The following PNN variants were observed in gnomAD, a reference collection of about 807,000 sequenced individuals.
PNN encodes the protein pinin, desmosome associated protein.
PNN carries 38 observed loss-of-function variants against 76.6 expected under a neutral mutation model. That is an observed-to-expected ratio of 0.50 (90% confidence interval 0.38 to 0.65). The LOEUF (loss-of-function observed/expected upper bound fraction) is 0.65. Ranked by LOEUF, PNN falls within the 30% of genes least tolerant of loss-of-function variation. The pLI is 0.00. For missense variants in PNN, 873 were observed against 874.1 expected (o/e 1.00, Z 0.02); for synonymous variants, 366 against 283.7 (o/e 1.29, Z -2.91).
intron 1 of PNN, 167 bp from the exon 2 acceptor site, chr14:39,175,911 A>C: frequency 1.7e-6 from 1 of 585,184 alleles, no homozygotes; most frequent in Non-Finnish European, 3.0e-6. Flanking sequence ...GAGGAAGTTA[A>C]ATGAAATAGT....
intron 4 of PNN, 51 bp downstream of exon 4, chr14:39,177,535 A>G (rs534246682): frequency 6.3e-7 from 1 of 1,595,598 alleles, no homozygotes; most frequent in South Asian, 1.1e-5. Flanking sequence ...ACTTTACTAC[A>G]TTTAAAAGCA....
At chr14:39,178,973 T>C (rs906644304) in intron 6 of PNN, 118 bp from the exon 7 acceptor site, 3 of 889,554 alleles carry the variant, frequency 3.4e-6, no homozygotes, top group Non-Finnish European at 5.1e-6. Context: ...CTGCCTCTAA[T>C]GTTTCACGTA....
In PNN at chr14:39,176,584, G is replaced by A; in HGVS notation, c.243G>A (p.Gly81=). The A allele has an allele frequency of 1.9e-6, 3 of 1,602,694 alleles. No homozygotes were observed. Among genetic ancestry groups the A allele is most frequent in the Non-Finnish European group, 2.6e-6 (3 of 1,173,998 alleles). The change falls in exon 3 of 9, where the codon GGG becomes GGA. Residue 81 remains glycine, a synonymous_variant. Transcript: ENST00000216832. ...GPPAKQRDLE[G]AVSRLGGERR... is the part of the protein sequence containing the mutation. The stretch of plus-strand genomic sequence containing the variant: ...CAGCCAAACAGAGAGACCTTGAAGG[G>A]GCAGTCAGTAGGTAGGTTTAAAAAA...
chr14:39,175,439 C>T (rs948411851), intron 1 of PNN, 47 bp downstream of exon 1: 33 of 1,216,372 alleles, frequency 2.7e-5, no homozygotes, highest in African/African-American at 2.7e-4. Context: ...GAGAGGCAGC[C>T]CTCAGGTCGG....
chr14:39,179,954 A>C (rs968544882), intron 8 of PNN, among the ~76,000 whole-genome samples: 8 of 151,950 alleles, frequency 5.3e-5, no homozygotes, highest in African/African-American at 1.9e-4. Flanking sequence ...GTAGTATAGG[A>C]ATATTTGTAT....
Position 39,179,383 on chromosome 14 carries a change from G to C in PNN, c.714G>C (p.Lys238Asn). The change falls in exon 8 of 9, where the codon AAG becomes AAC. Residue 238 changes from lysine to asparagine, a missense_variant. Transcript: ENST00000216832. ...KIIKYIRTKT[K>N]PHLFYIPGRM... ...TTAAATATATAAGAACTAAGACAAA[G>C]CCCCATTTGTTTTATATTCCTGGAA... The C allele has an allele frequency of 6.2e-7, 1 of 1,609,682 alleles. No individual in the cohort carries two copies. The highest frequency in any genetic ancestry group is 2.2e-5 in the East Asian group (1 of 44,850).
Position 39,182,318 on chromosome 14 carries a change from C to G in PNN, c.*455C>G, listed in dbSNP as rs971464351. The G allele has an allele frequency of 6.5e-6, 1 of 154,938 alleles. No individual in the cohort carries two copies. The highest frequency in any genetic ancestry group is 2.4e-5 in the African/African-American group (1 of 41,440). 9.6% of individuals were successfully genotyped at this position (154,938 alleles called of 1,614,324 possible). The stretch of plus-strand genomic sequence containing the variant: ...TCTTTATCATTTTCAGCTTTTAACA[C>G]TAGATACTGCACGTGATTAGAATGT... On this transcript the variant is annotated 3_prime_UTR_variant, in exon 9 of 9. Transcript: ENST00000216832.
rs367737889 is a variant in PNN at position 39,176,640 on chromosome 14, G to A, written c.254+45G>A. 19 of 1,097,798 alleles carry A rather than the reference G, an allele frequency of 1.7e-5. No individual in the cohort carries two copies. In the African/African-American group the frequency reaches 2.9e-4, roughly 17 times the overall value. The allele number at this position is 1,097,798 out of a possible 1,614,324, so 68.0% of individuals were successfully genotyped here. Reference sequence around the variant, plus strand: ...CCTGAAGGCTTCTTTAGTTTCTGAGGTACCACACAAATATAAATGTTTATT... The same window carrying A: ...CCTGAAGGCTTCTTTAGTTTCTGAGATACCACACAAATATAAATGTTTATT... On this transcript the variant is annotated intron_variant, in intron 3 of 8. Coordinates refer to ENST00000216832, the MANE Select transcript of PNN (RefSeq NM_002687.4).
Position 39,181,979 on chromosome 14 carries a change from C to CT in PNN, c.*121dup. The CT allele has an allele frequency of 9.3e-7, 1 of 1,080,864 alleles. No individual in the cohort carries two copies. The highest frequency in any genetic ancestry group is 2.6e-5 in the East Asian group (1 of 38,676). 67.0% of individuals were successfully genotyped at this position (1,080,864 alleles called of 1,614,324 possible). A position where few individuals can be genotyped will look rare whatever the true frequency, so the allele number is the denominator to read the frequency against. On this transcript the variant is annotated 3_prime_UTR_variant, in exon 9 of 9. Coordinates refer to ENST00000216832, the MANE Select transcript of PNN (RefSeq NM_002687.4). ...TTAAGAATTGCATGTTGTAAAAAATCTTTTTGGAAAATACAGACTGTTTGT... is the reference window on the plus strand; with the variant it reads ...TTAAGAATTGCATGTTGTAAAAAATCTTTTTTGGAAAATACAGACTGTTTGT...
At chr14:39,176,384 A>AT (rs1252871690) in intron 2 of PNN, 143 bp from the exon 3 acceptor site, 2 of 679,618 alleles carry the variant, frequency 2.9e-6, no homozygotes, top group East Asian at 5.5e-5. Flanking sequence ...AAGTAACACT[A>AT]TAAAAGCATT....
chr14:39,181,047 A>G lies in PNN; in HGVS notation c.1338A>G (p.Lys446=). The G allele has an allele frequency of 4.3e-6, 7 of 1,612,790 alleles. No homozygotes were observed. The highest frequency in any genetic ancestry group is 1.3e-5 in the African/African-American group (1 of 74,952). The change falls in exon 9 of 9, where the codon AAA becomes AAG. Residue 446 remains lysine (K), a synonymous_variant. Coordinates refer to ENST00000216832, the MANE Select transcript of PNN (RefSeq NM_002687.4). ...DKECKTLSPG[K]ENVSALDMEK... ...AATGTAAAACCCTTTCTCCTGGGAAAGAGAATGTCAGTGCTTTAGACATGG... is the reference window on the plus strand; with the variant it reads ...AATGTAAAACCCTTTCTCCTGGGAAGGAGAATGTCAGTGCTTTAGACATGG...
chr14:39,176,615 C>T lies in PNN; in HGVS notation c.254+20C>T, dbSNP rs2053227226. 1 of 1,463,760 alleles carries T rather than the reference C, an allele frequency of 6.8e-7. No individual in the cohort carries two copies. 90.7% of individuals were successfully genotyped at this position (1,463,760 alleles called of 1,614,324 possible). On this transcript the variant is annotated intron_variant, in intron 3 of 8. Transcript: ENST00000216832. ...CAGTAGGTAGGTTTAAAAAAAGATT[C>T]CTGAAGGCTTCTTTAGTTTCTGAGG...
At chr14:39,177,720 A>G in intron 5 of PNN, 33 bp downstream of exon 5, 1 of 1,527,994 alleles carries the variant, frequency 6.5e-7, no homozygotes, top group Non-Finnish European at 9.1e-7. Context: ...CTCTAGTGAA[A>G]TAATGCAGTT....
Position 39,175,316 on chromosome 14 carries a change from GA to G in PNN, c.41del (p.Lys14ArgfsTer24). 6.2e-7 allele frequency: 1 copy of G among 1,610,650 alleles called. No homozygotes were observed. Among genetic ancestry groups the G allele is most frequent in the Non-Finnish European group, 8.5e-7 (1 of 1,178,154 alleles). On this transcript the variant is annotated frameshift_variant, in exon 1 of 9. Coordinates refer to ENST00000216832, the MANE Select transcript of PNN (RefSeq NM_002687.4). LOFTEE classifies it high-confidence loss of function. ...VAVRTLQEQL[E>X]KAKESLKNVD... ...CGTGAGAACTTTGCAGGAACAGCTG[GA>G]AAAGGCCAAAGAGAGTCTTAAGAAC... is the stretch of plus-strand genomic sequence containing the variant.
At position 39,181,761 on chromosome 14, in the gene PNN, G is replaced by A. The variant is rs749386901; in HGVS notation, c.2052G>A (p.Arg684=). ...DTKGSKDKNS[R]SDRKRSISES... ...AAGGATCAAAGGATAAGAATTCCCGGTCCGACAGAAAGAGGTCTATATCAG... is the reference window on the plus strand; with the variant it reads ...AAGGATCAAAGGATAAGAATTCCCGATCCGACAGAAAGAGGTCTATATCAG... Residue 684 remains arginine, a synonymous_variant, in exon 9 of 9, where the codon CGG becomes CGA. Coordinates refer to ENST00000216832, the MANE Select transcript of PNN (RefSeq NM_002687.4). 6.2e-7 allele frequency: 1 copy of A among 1,614,164 alleles called. No homozygotes were observed. Among genetic ancestry groups the A allele is most frequent in the East Asian group, 2.2e-5 (1 of 44,884 alleles).
chr14:39,176,563 C>T lies in PNN; in HGVS notation c.222C>T (p.Ala74=). ...CAGATAGTGGAGGAGGACCCCCAGC[C>T]AAACAGAGAGACCTTGAAGGGGCAG... ...GFSDSGGGPP[A]KQRDLEGAVS... is the part of the protein sequence containing the mutation. The change falls in exon 3 of 9, where the codon GCC becomes GCT. Residue 74 remains alanine, a synonymous_variant. Coordinates refer to ENST00000216832, the MANE Select transcript of PNN (RefSeq NM_002687.4). The T allele has an allele frequency of 6.2e-7, 1 of 1,608,702 alleles. No individual in the cohort carries two copies. Among genetic ancestry groups the T allele is most frequent in the Non-Finnish European group, 8.5e-7 (1 of 1,178,416 alleles).
intron 8 of PNN, 41 bp from the exon 9 acceptor site, chr14:39,180,462 T>C (rs745457756): frequency 6.0e-6 from 9 of 1,495,162 alleles, no homozygotes; most frequent in Non-Finnish European, 8.0e-6. Flanking sequence ...TTGAATTTTC[T>C]TAATCGGTAA....
rs375793021 is a variant in PNN at position 39,181,130 on chromosome 14, C to T, written c.1421C>T (p.Ala474Val). The change falls in exon 9 of 9, where the codon GCT (alanine) becomes GTT (valine). Residue 474 changes from alanine (A) to valine (V), a missense_variant. Coordinates refer to ENST00000216832, the MANE Select transcript of PNN (RefSeq NM_002687.4). ...KESEPQPEPVAQPQPQSQPQL... is the reference protein window; with the variant it reads ...KESEPQPEPVVQPQPQSQPQL... ...TCTGAGCCCCAACCTGAGCCTGTGG[C>T]TCAACCTCAGCCTCAGTCTCAGCCC... 5 of 1,610,156 alleles carry T rather than the reference C, an allele frequency of 3.1e-6. No individual in the cohort carries two copies. The highest frequency in any genetic ancestry group is 2.2e-5 in the East Asian group (1 of 44,888).
chr14:39,176,313 A>C, intron 2 of PNN, 164 bp downstream of exon 2: 1 of 631,494 alleles, frequency 1.6e-6, no homozygotes, highest in Non-Finnish European at 2.8e-6. Flanking sequence ...AGTTATCCTG[A>C]AAAACTGGAG....
Sources: gnomAD v4.1 joint callset for allele counts (sites outside exome capture counted in the v4.1 genomes callset) on GRCh38, gnomAD v4.1.1 for gene constraint, MANE v1.5 for transcripts, NCBI Gene and HGNC (gene_info 2026-07-23, HGNC 2026-07-21) for gene names.